Variants in TOP2B observed in about 807,000 individuals in gnomAD.
TOP2B encodes DNA topoisomerase 2-beta.
TOP2B carries 51 observed loss-of-function variants against 193.5 expected under a neutral mutation model. That is an observed-to-expected ratio of 0.26 (90% confidence interval 0.21 to 0.33). TOP2B has a LOEUF of 0.33. Among genes scored for constraint, TOP2B ranks in the 10% least tolerant of loss-of-function variants. The pLI, the probability that TOP2B is intolerant of heterozygous loss-of-function variation, is 1.00. For synonymous variants in TOP2B, 634 were observed against 635.7 expected (o/e 1.00, Z 0.04); for missense variants, 1,378 against 1,909.3 (o/e 0.72, Z 5.19).
chr3:25,613,299 C>T (rs7617248), intron 27 of TOP2B, among the ~76,000 whole-genome samples: 2,052 of 152,002 alleles, frequency 0.013, 50 homozygotes, highest in African/African-American at 0.045. Flanking sequence ...TTGAAAGGCA[C>T]AAGGAAAAAA....
Position 25,619,949 on chromosome 3 carries a change from T to C in TOP2B, c.2976A>G (p.Lys992=). ...HTDTTVKFVV[K]MTEEKLAQAE... is the part of the protein sequence containing the mutation. ...CTTGTGCTAGTTTCTCTTCAGTCATTTTCACCACAAATTTCACAGTTGTGT... is the reference window on the plus strand; with the variant it reads ...CTTGTGCTAGTTTCTCTTCAGTCATCTTCACCACAAATTTCACAGTTGTGT... Residue 992 remains lysine, a synonymous_variant, in exon 23 of 36, where the codon AAA becomes AAG. Transcript: ENST00000264331. 6.2e-7 allele frequency: 1 copy of C among 1,613,332 alleles called. No individual in the cohort carries two copies. The highest frequency in any genetic ancestry group is 8.5e-7 in the Non-Finnish European group (1 of 1,179,686).
intron 27 of TOP2B, among the ~76,000 whole-genome samples, chr3:25,614,161 A>C (rs1036482881): frequency 6.6e-6 from 1 of 152,206 alleles, no homozygotes; most frequent in African/African-American, 2.4e-5. Flanking sequence ...TAAGATGATA[A>C]ATTAAAAGTG....
At position 25,664,779 on chromosome 3, in the gene TOP2B, C is replaced by G. The variant is rs1361182297; in HGVS notation, c.-482G>C. 2 of 986,590 alleles carry G rather than the reference C, an allele frequency of 2.0e-6. No homozygotes were observed. The highest frequency in any genetic ancestry group is 3.5e-5 in the African/African-American group (2 of 57,226). The allele number at this position is 986,590 out of a possible 1,614,324, so 61.1% of individuals were successfully genotyped here. The stretch of plus-strand genomic sequence containing the variant: ...GTCGTCCCGGTCGCCGCCGCTGCTT[C>G]AAAGGCAGCCTTAGCCTCGCTGCAG... On this transcript the variant is annotated 5_prime_UTR_variant, in exon 1 of 36. Coordinates refer to ENST00000264331, the MANE Select transcript of TOP2B (RefSeq NM_001330700.2).
chr3:25,622,093 C>A (rs1702671526), intron 21 of TOP2B, among the ~76,000 whole-genome samples: 1 of 152,144 alleles, frequency 6.6e-6, no homozygotes, highest in African/African-American at 2.4e-5. Flanking sequence ...AAACTTCAAG[C>A]CTTGATGCTT....
chr3:25,625,443 G>A (rs982638953), intron 18 of TOP2B, among the ~76,000 whole-genome samples: 1 of 152,124 alleles, frequency 6.6e-6, no homozygotes, highest in Non-Finnish European at 1.5e-5. Flanking sequence ...CATTCTTCTT[G>A]CTCTAGGCCA....
chr3:25,640,586 TTGC>T (rs952596382), intron 4 of TOP2B, among the ~76,000 whole-genome samples: 1 of 152,052 alleles, frequency 6.6e-6, no homozygotes, highest in Non-Finnish European at 1.5e-5. Context: ...ACAAAAATGT[TTGC>T]TGATTAAAAA....
chr3:25,599,586 A>T (rs1702034747), intron 34 of TOP2B, 57 bp from the exon 35 acceptor site: 6 of 1,488,490 alleles, frequency 4.0e-6, no homozygotes, highest in Non-Finnish European at 5.5e-6. Flanking sequence ...TAAAAAGATA[A>T]ATGCCACAAC....
intron 2 of TOP2B, 63 bp downstream of exon 2, chr3:25,645,237 A>T: frequency 7.3e-7 from 1 of 1,366,050 alleles, no homozygotes; most frequent in South Asian, 1.7e-5. Context: ...AATTTTATCA[A>T]CATATTAAAA....
At chr3:25,605,686 T>A (rs1157481994) in intron 32 of TOP2B, among the ~76,000 whole-genome samples, 4 of 152,094 alleles carry the variant, frequency 2.6e-5, no homozygotes, top group African/African-American at 9.7e-5. Flanking sequence ...CCTTACAGAT[T>A]TAGAAAACTG....
intron 3 of TOP2B, 137 bp downstream of exon 3, chr3:25,643,557 A>G: frequency 1.6e-6 from 1 of 622,802 alleles, no homozygotes; most frequent in Non-Finnish European, 2.8e-6. Context: ...AATTTTCTGA[A>G]GATCATTTAT....
Position 25,638,227 on chromosome 3 carries a change from G to C in TOP2B, c.479C>G (p.Ala160Gly). The change falls in exon 5 of 36, where the codon GCT (alanine) becomes GGT (glycine). Residue 160 changes from alanine (A) to glycine (G), a missense_variant. By Grantham distance (60) the Ala-to-Gly change is moderately conservative. Coordinates refer to ENST00000264331, the MANE Select transcript of TOP2B (RefSeq NM_001330700.2). The stretch of plus-strand genomic sequence containing the variant: ...TGTTAAAAGCTGTCCAAAAATTAAA[G>C]CAGGAACATAAACTTTCTCTACCTT... ...EHKVEKVYVPALIFGQLLTSS... is the reference protein window; with the variant it reads ...EHKVEKVYVPGLIFGQLLTSS... The C allele has an allele frequency of 6.9e-7, 1 of 1,452,138 alleles. No homozygotes were observed. Among genetic ancestry groups the C allele is most frequent in the South Asian group, 1.2e-5 (1 of 82,750 alleles). 90.0% of individuals were successfully genotyped at this position (1,452,138 alleles called of 1,614,324 possible).
At chr3:25,606,863 T>C (rs1702248197) in intron 31 of TOP2B, among the ~76,000 whole-genome samples, 1 of 152,204 alleles carries the variant, frequency 6.6e-6, no homozygotes, top group South Asian at 2.1e-4. Flanking sequence ...GCTACACTGA[T>C]TTATTTACAT....
chr3:25,607,403 A>C (rs1282966292), intron 30 of TOP2B, 28 bp from the exon 31 acceptor site: 1 of 1,547,026 alleles, frequency 6.5e-7, no homozygotes, highest in South Asian at 1.2e-5. Flanking sequence ...AATGAATGTT[A>C]AACTCAAATC....
intron 1 of TOP2B, among the ~76,000 whole-genome samples, chr3:25,655,638 C>T (rs1047737268): frequency 1.3e-5 from 2 of 152,184 alleles, no homozygotes; most frequent in African/African-American, 4.8e-5. Flanking sequence ...CCCAAATGTT[C>T]ACTGGTGTAT....
At position 25,630,098 on chromosome 3, in the gene TOP2B, C is replaced by A. The variant is rs1244201294; in HGVS notation, c.1620G>T (p.Lys540Asn). The change falls in exon 13 of 36, where the codon AAG (lysine) becomes AAT (asparagine). Residue 540 changes from lysine (K) to asparagine (N), a missense_variant. Around this residue, in one of 9 missense-constraint regions of TOP2B, gnomAD observed 66 missense variants for 153.3 expected, o/e 0.43. Coordinates refer to ENST00000264331, the MANE Select transcript of TOP2B (RefSeq NM_001330700.2). Reference protein sequence around the residue: ...NIIKIVGLQYKKSYDDAESLK... With the variant: ...NIIKIVGLQYNKSYDDAESLK... ...GAGATTCTGCATCATCGTAACTTTT[C>A]TTATATTGTAGACCAACTATTTTAA... 6.2e-7 allele frequency: 1 copy of A among 1,603,964 alleles called. No homozygotes were observed. Among genetic ancestry groups the A allele is most frequent in the Non-Finnish European group, 8.5e-7 (1 of 1,174,528 alleles).
Position 25,624,802 on chromosome 3 carries a change from GC to G in TOP2B, c.2225del (p.Gly742AlafsTer22). The G allele has an allele frequency of 6.2e-7, 1 of 1,611,128 alleles. No individual in the cohort carries two copies. Among genetic ancestry groups the G allele is most frequent in the East Asian group, 2.2e-5 (1 of 44,818 alleles). On this transcript the variant is annotated frameshift_variant and splice_region_variant, in exon 19 of 36. Coordinates refer to ENST00000264331, the MANE Select transcript of TOP2B (RefSeq NM_001330700.2). LOFTEE classifies it high-confidence loss of function. ...NERSIPSLVD[G>X]FKPGQRKVLF... Reference sequence around the variant, plus strand: ...AAACTTTCCGCTGGCCAGGTTTAAAGCCTATTTTTAAAAGAGCTCTTTTAAA... The same window carrying G: ...AAACTTTCCGCTGGCCAGGTTTAAAGCTATTTTTAAAAGAGCTCTTTTAAA...
intron 1 of TOP2B, among the ~76,000 whole-genome samples, chr3:25,660,646 T>C (rs1382983531): frequency 6.6e-6 from 1 of 152,200 alleles, no homozygotes; most frequent in Admixed American, 6.5e-5. Context: ...ATGGAGACTA[T>C]AATAAATAAA....
At position 25,609,290 on chromosome 3, in the gene TOP2B, A is replaced by G; in HGVS notation, c.3986T>C (p.Val1329Ala). 1 of 1,600,490 alleles carries G rather than the reference A, an allele frequency of 6.2e-7. No individual in the cohort carries two copies. ...ATCTGACCAAGGATTCCGTTTCTTC[A>G]CTTTCTTTGCACTAGGTTTACCAGA... ...TSSGKPSAKK[V>A]KKRNPWSDDE... Residue 1329 changes from valine (V) to alanine (A), a missense_variant, in exon 30 of 36, where the codon GTG (valine) becomes GCG (alanine). Physicochemically the swap from Val to Ala is moderately conservative, Grantham distance 64. Coordinates refer to ENST00000264331, the MANE Select transcript of TOP2B (RefSeq NM_001330700.2).
chr3:25,652,060 G>C (rs1436682924), intron 1 of TOP2B, among the ~76,000 whole-genome samples: 1 of 152,182 alleles, frequency 6.6e-6, no homozygotes, highest in Non-Finnish European at 1.5e-5. Context: ...ACTTACATCA[G>C]ACAACATAGA....
Sources: gnomAD v4.1 joint callset for allele counts (sites outside exome capture counted in the v4.1 genomes callset) on GRCh38, gnomAD v4.1.1 for gene constraint, gnomAD v4.1.1 regional missense constraint, MANE v1.5 for transcripts, NCBI Gene and HGNC (gene_info 2026-07-23, HGNC 2026-07-21) for gene names.